PDE10A: variants seen among roughly 807,000 people sequenced by gnomAD.
The protein encoded by PDE10A is cAMP and cAMP-inhibited cGMP 3',5'-cyclic phosphodiesterase 10A.
In PDE10A, 39 loss-of-function variants were observed where a neutral mutation model predicts 97.7. The ratio of observed to expected loss-of-function variants is 0.40; its 90% confidence interval spans 0.31 to 0.52. The LOEUF is 0.52. Among genes scored for constraint, PDE10A ranks in the 20% least tolerant of loss-of-function variants. The probability of loss-of-function intolerance (pLI) is 0.56; values close to 1 mark genes in which losing one functional copy is unlikely to be tolerated. For synonymous variants in PDE10A, 371 were observed against 376.8 expected (o/e 0.98, Z 0.18); for missense variants, 731 against 1,047.8 (o/e 0.70, Z 4.17).
chr6:165,374,027 C>G (rs1349408694), intron 18 of PDE10A, among the ~76,000 whole-genome samples: 1 of 134,932 alleles, frequency 7.4e-6, no homozygotes, highest in Non-Finnish European at 1.5e-5. Flanking sequence ...GGGAATTGAA[C>G]AATGAGAACA....
intron 15 of PDE10A, among the ~76,000 whole-genome samples, chr6:165,393,233 T>C (rs1202451869): frequency 3.3e-5 from 5 of 152,212 alleles, no homozygotes; most frequent in Non-Finnish European, 7.3e-5. Flanking sequence ...CAAATATGTA[T>C]ATCATGAGAC....
chr6:165,883,894 A>G (rs1781557776), intron 1 of PDE10A, among the ~76,000 whole-genome samples: 2 of 152,198 alleles, frequency 1.3e-5, no homozygotes, highest in Admixed American at 1.3e-4. Flanking sequence ...AGCTCAAATA[A>G]GCTCGGATCC....
chr6:165,674,396 C>T (rs1297322780), intron 1 of PDE10A, among the ~76,000 whole-genome samples: 1 of 151,990 alleles, frequency 6.6e-6, no homozygotes, highest in Non-Finnish European at 1.5e-5. Flanking sequence ...AGATCCGCCA[C>T]ATCCCAGCTG....
At chr6:165,962,075 C>G (rs1040419417) in intron 1 of PDE10A, among the ~76,000 whole-genome samples, 3 of 152,246 alleles carry the variant, frequency 2.0e-5, no homozygotes, top group East Asian at 3.8e-4. Context: ...GAGGCTCAGA[C>G]AGTAAATTGC....
intron 1 of PDE10A, among the ~76,000 whole-genome samples, chr6:165,633,581 T>C (rs1185169756): frequency 1.3e-5 from 2 of 152,184 alleles, no homozygotes; most frequent in African/African-American, 4.8e-5. Flanking sequence ...AAAGGTCGTC[T>C]GGAGGAGTAT....
At chr6:165,620,423 G>A (rs966085962) in intron 1 of PDE10A, among the ~76,000 whole-genome samples, 1 of 152,182 alleles carries the variant, frequency 6.6e-6, no homozygotes, top group Non-Finnish European at 1.5e-5. Context: ...CACCAGCCTT[G>A]CACTTAGAGA....
chr6:165,382,637 A>G (rs1785007592), intron 17 of PDE10A, among the ~76,000 whole-genome samples: 1 of 152,190 alleles, frequency 6.6e-6, no homozygotes, highest in Non-Finnish European at 1.5e-5. Flanking sequence ...GGGATATAAT[A>G]AAAATAAACT....
At chr6:165,511,166 T>G (rs944031041) in intron 2 of PDE10A, among the ~76,000 whole-genome samples, 3 of 152,022 alleles carry the variant, frequency 2.0e-5, no homozygotes, top group Non-Finnish European at 2.9e-5. Flanking sequence ...TTTGTTGCTA[T>G]TTTCTTCCCT....
At chr6:165,550,208 C>G (rs1186069980) in intron 1 of PDE10A, among the ~76,000 whole-genome samples, 2 of 152,094 alleles carry the variant, frequency 1.3e-5, no homozygotes, top group Admixed American at 6.6e-5. Context: ...TCCTCAATCA[C>G]AGAAAAGGGA....
At chr6:165,731,380 AGAAGAC>A (rs1792432875) in intron 1 of PDE10A, among the ~76,000 whole-genome samples, 1 of 152,154 alleles carries the variant, frequency 6.6e-6, no homozygotes, top group Non-Finnish European at 1.5e-5. Flanking sequence ...GCCTGGGTGG[AGAAGAC>A]GACAACTGAA....
At chr6:165,365,649 G>A (rs1381037217) in intron 18 of PDE10A, among the ~76,000 whole-genome samples, 1 of 152,186 alleles carries the variant, frequency 6.6e-6, no homozygotes, top group Non-Finnish European at 1.5e-5. Context: ...GAGCCTGGGA[G>A]GTCAAGGCTG....
intron 1 of PDE10A, among the ~76,000 whole-genome samples, chr6:165,742,116 C>T (rs1382411867): frequency 1.3e-5 from 2 of 152,096 alleles, no homozygotes; most frequent in East Asian, 1.9e-4. Flanking sequence ...ACCTACCTTA[C>T]GGGTGTCATT....
intron 1 of PDE10A, among the ~76,000 whole-genome samples, chr6:165,816,812 AGGG>A (rs1179830931): frequency 6.6e-6 from 1 of 151,944 alleles, no homozygotes; most frequent in Non-Finnish European, 1.5e-5. Context: ...TGGGTTCCGG[AGGG>A]GGGAAGGGGC....
At chr6:165,673,039 C>T (rs999843933) in intron 1 of PDE10A, among the ~76,000 whole-genome samples, 56 of 152,118 alleles carry the variant, frequency 3.7e-4, no homozygotes, top group African/African-American at 1.3e-3. Context: ...CAGCAGAGCC[C>T]ACACCACTCC....
At chr6:165,445,985 C>T (rs555320146) in intron 5 of PDE10A, among the ~76,000 whole-genome samples, 42 of 151,066 alleles carry the variant, frequency 2.8e-4, no homozygotes, top group African/African-American at 8.0e-4. Context: ...CAGAGTTGGA[C>T]GAAACAAAGC....
chr6:165,566,545 T>C (rs1784787054), intron 1 of PDE10A, among the ~76,000 whole-genome samples: 1 of 152,118 alleles, frequency 6.6e-6, no homozygotes, highest in Non-Finnish European at 1.5e-5. Flanking sequence ...TGTCTGGAAA[T>C]GAACGCCAGA....
In PDE10A at chr6:165,486,808, A is replaced by G. The variant is rs562819416; in HGVS notation, c.995-4465T>C. ...TGTGACCTATTTAACCTGTTCAATG[A>G]AATCAATCTGTCACTTCAGGGGAGA... On this transcript the variant is annotated intron_variant, in intron 2 of 21. Coordinates refer to ENST00000539869, the MANE Select transcript of PDE10A (RefSeq NM_001385079.1). Among the ~76,000 whole-genome samples, 18 of 152,362 alleles carry G rather than the reference A, an allele frequency of 1.2e-4. No homozygotes were observed. In the South Asian group the frequency reaches 3.7e-3, roughly 32 times the overall value.
intron 1 of PDE10A, among the ~76,000 whole-genome samples, chr6:165,812,870 C>T (rs1451146256): frequency 6.6e-6 from 1 of 151,864 alleles, no homozygotes; most frequent in Non-Finnish European, 1.5e-5. Context: ...CTGTAAATTG[C>T]GAGTCTGTGG....
intron 18 of PDE10A, among the ~76,000 whole-genome samples, chr6:165,370,922 A>T (rs1235033754): frequency 2.1e-5 from 3 of 145,614 alleles, no homozygotes; most frequent in Non-Finnish European, 4.5e-5. Context: ...AGGGTTAAGA[A>T]ACTCACTCAA....
Sources: allele counts gnomAD v4.1 joint callset (sites outside exome capture counted in the v4.1 genomes callset), GRCh38; gene constraint gnomAD v4.1.1; transcripts MANE v1.5; gene names NCBI Gene and HGNC (gene_info 2026-07-23, HGNC 2026-07-21).